Variants in CFAP299 observed in about 807,000 individuals in gnomAD.
CFAP299 encodes the protein cilia and flagella associated protein 299.
In CFAP299, 21 loss-of-function variants were observed where a neutral mutation model predicts 27.0. The observed-to-expected ratio is 0.78, with a 90% CI of 0.55 to 1.12. The LOEUF (loss-of-function observed/expected upper bound fraction) is 1.12. CFAP299 is among the 50% of genes most tolerant of loss of function. The pLI, the probability that CFAP299 is intolerant of heterozygous loss-of-function variation, is 0.00. For synonymous variants in CFAP299, 104 were observed against 98.1 expected (o/e 1.06, Z -0.36); for missense variants, 310 against 276.6 (o/e 1.12, Z -0.86).
chr4:80,885,566 G>A (rs905565526), intron 4 of CFAP299, among the ~76,000 whole-genome samples: 2 of 152,110 alleles, frequency 1.3e-5, no homozygotes, highest in Non-Finnish European at 1.5e-5. Flanking sequence ...GAGTCCTGAG[G>A]CCTCCATTCC....
intron 4 of CFAP299, among the ~76,000 whole-genome samples, chr4:80,934,250 T>A (rs575676628): frequency 2.6e-5 from 4 of 152,256 alleles, no homozygotes; most frequent in Non-Finnish European, 4.4e-5. Flanking sequence ...CATCCTTGTA[T>A]CCGAGGGATA....
At chr4:80,798,083 G>C (rs549071189) in intron 3 of CFAP299, among the ~76,000 whole-genome samples, 2 of 152,130 alleles carry the variant, frequency 1.3e-5, no homozygotes, top group South Asian at 4.2e-4. Context: ...CTGTTCTCCA[G>C]ATTTTTGCTT....
chr4:80,442,159 A>G (rs965847763), intron 2 of CFAP299, among the ~76,000 whole-genome samples: 2 of 152,196 alleles, frequency 1.3e-5, no homozygotes, highest in African/African-American at 4.8e-5. Flanking sequence ...ACAAGACAGA[A>G]AATTAACAAG....
chr4:80,357,664 T>C (rs560640585), intron 1 of CFAP299, among the ~76,000 whole-genome samples: 2 of 152,330 alleles, frequency 1.3e-5, no homozygotes, highest in African/African-American at 4.8e-5. Flanking sequence ...TTTATATTTA[T>C]CTGGGGTTGG....
intron 3 of CFAP299, among the ~76,000 whole-genome samples, chr4:80,631,871 C>A (rs957649154): frequency 8.3e-6 from 1 of 120,696 alleles, no homozygotes; most frequent in East Asian, 2.8e-4. Flanking sequence ...CCCACCCCCC[C>A]CCAACCAAAT....
intron 1 of CFAP299, among the ~76,000 whole-genome samples, chr4:80,350,618 T>C (rs1722968427): frequency 6.6e-6 from 1 of 152,068 alleles, no homozygotes; most frequent in South Asian, 2.1e-4. Context: ...AAACAATGAG[T>C]TCATGTCCTT....
In CFAP299 at chr4:80,592,069, CT is replaced by C. The variant is rs377463339; in HGVS notation, c.333+8891del. Among the ~76,000 whole-genome samples the C allele has an allele frequency of 6.9e-3, 1,054 of 152,152 alleles. 15 individuals carry two copies. The highest frequency in any genetic ancestry group is 0.024 in the African/African-American group (1,013 of 41,492). The stretch of plus-strand genomic sequence containing the variant: ...TTCTTTTAAACTCAATTTTATGTAC[CT>C]TTTTCACATATTAAAATATTAATTA... On this transcript the variant is annotated intron_variant, in intron 3 of 5. Transcript: ENST00000358105.
chr4:80,375,982 T>C (rs373645605), intron 2 of CFAP299, among the ~76,000 whole-genome samples: 1 of 152,366 alleles, frequency 6.6e-6, no homozygotes, highest in South Asian at 2.1e-4. Flanking sequence ...TTTTAAAGTG[T>C]GTAATTCAAT....
intron 3 of CFAP299, among the ~76,000 whole-genome samples, chr4:80,738,207 A>G (rs1724029196): frequency 1.3e-5 from 2 of 152,186 alleles, no homozygotes; most frequent in Non-Finnish European, 2.9e-5. Flanking sequence ...TTCTGCAGCC[A>G]TTGGATGAAA....
At chr4:80,338,385 CTT>C (rs979616822) in intron 1 of CFAP299, among the ~76,000 whole-genome samples, 1 of 151,954 alleles carries the variant, frequency 6.6e-6, no homozygotes, top group African/African-American at 2.4e-5. Flanking sequence ...CAAGAGATCT[CTT>C]GAATTTATTT....
intron 3 of CFAP299, among the ~76,000 whole-genome samples, chr4:80,846,423 A>C (rs2110143599): frequency 6.6e-6 from 1 of 152,298 alleles, no homozygotes; most frequent in East Asian, 1.9e-4. Flanking sequence ...CACTTGGTAC[A>C]CATAGTCTCT....
intron 3 of CFAP299, among the ~76,000 whole-genome samples, chr4:80,728,548 A>G (rs9784570): frequency 0.011 from 1,619 of 152,148 alleles, 21 homozygotes; most frequent in African/African-American, 0.031. Flanking sequence ...ATTTTCTTCT[A>G]TATTCCCAAA....
At chr4:80,684,755 T>C (rs949865186) in intron 3 of CFAP299, among the ~76,000 whole-genome samples, 3 of 152,210 alleles carry the variant, frequency 2.0e-5, no homozygotes, top group African/African-American at 7.2e-5. Context: ...ATTTACATCA[T>C]TAAAAATTCA....
intron 2 of CFAP299, among the ~76,000 whole-genome samples, chr4:80,469,597 C>T (rs1729882727): frequency 6.6e-6 from 1 of 152,026 alleles, no homozygotes; most frequent in South Asian, 2.1e-4. Context: ...TAGCAAAGGT[C>T]CTCATTTAAT....
At chr4:80,688,015 C>T (rs935204487) in intron 3 of CFAP299, among the ~76,000 whole-genome samples, 4 of 152,230 alleles carry the variant, frequency 2.6e-5, no homozygotes. Flanking sequence ...GAGATTGTGT[C>T]CCGCACCTGG....
In CFAP299 at chr4:80,757,733, G is replaced by T. The variant is rs558590004; in HGVS notation, c.334-112260G>T. Among the ~76,000 whole-genome samples the T allele has an allele frequency of 1.9e-4, 28 of 150,310 alleles. No individual in the cohort carries two copies. In the South Asian group the frequency reaches 2.3e-3, roughly 12 times the overall value. The stretch of plus-strand genomic sequence containing the variant: ...TTTGTTTGTTTGTTTGTTTGGTTTG[G>T]TTTTTTTTTCATTTACGCAGTCTCA... On this transcript the variant is annotated intron_variant, in intron 3 of 5. Coordinates refer to ENST00000358105, the MANE Select transcript of CFAP299 (RefSeq NM_152770.3).
chr4:80,727,805 A>G (rs903360121), intron 3 of CFAP299, among the ~76,000 whole-genome samples: 7 of 151,982 alleles, frequency 4.6e-5, no homozygotes, highest in Non-Finnish European at 8.8e-5. Context: ...ATTTCTGTCC[A>G]TTGACAAGCA....
chr4:80,535,123 T>A (rs1316219375), intron 2 of CFAP299, among the ~76,000 whole-genome samples: 1 of 151,700 alleles, frequency 6.6e-6, no homozygotes, highest in Non-Finnish European at 1.5e-5. Flanking sequence ...TCAATCTGGG[T>A]AGGACAAAGC....
At chr4:80,855,239 G>A (rs977693223) in intron 3 of CFAP299, among the ~76,000 whole-genome samples, 7 of 152,038 alleles carry the variant, frequency 4.6e-5, no homozygotes, top group African/African-American at 9.7e-5. Context: ...GTGTACATGG[G>A]TGTGTTTCTG....
Sources: allele counts gnomAD v4.1 joint callset (sites outside exome capture counted in the v4.1 genomes callset), GRCh38; gene constraint gnomAD v4.1.1; transcripts MANE v1.5; gene names NCBI Gene and HGNC (gene_info 2026-07-23, HGNC 2026-07-21).